The following LCN12 variants were observed in gnomAD, a reference collection of about 807,000 sequenced individuals.
The protein encoded by LCN12 is epididymal-specific lipocalin-12.
Under a neutral mutation model 23.7 loss-of-function variants are expected in LCN12, and 15 were observed. The observed-to-expected ratio is 0.63, with a 90% CI of 0.42 to 0.97. The LOEUF (loss-of-function observed/expected upper bound fraction) is 0.97. LCN12 is among the 50% of genes least tolerant of loss of function. The pLI is 0.00. For synonymous variants in LCN12, 116 were observed against 111.5 expected (o/e 1.04, Z -0.25); for missense variants, 219 against 249.6 (o/e 0.88, Z 0.83).
At chr9:136,952,251 T>C (rs1031709255), upstream of LCN12, 6 of 1,001,478 alleles carry the variant, frequency 6.0e-6, no homozygotes, top group African/African-American at 9.6e-5. Flanking sequence ...GGTATGTGCA[T>C]GAAGAGGTGG....
At chr9:136,953,242 C>T (rs559961007) in intron 2 of LCN12, among the ~76,000 whole-genome samples, 59 of 151,920 alleles carry the variant, frequency 3.9e-4, no homozygotes, top group African/African-American at 1.2e-3. Flanking sequence ...CTTCGGGGGC[C>T]GGGTGCGCTG....
At chr9:136,954,034 A>G (rs1588475305) in intron 4 of LCN12, 70 bp downstream of exon 4, 1 of 1,571,640 alleles carries the variant, frequency 6.4e-7, no homozygotes, top group East Asian at 2.3e-5. Flanking sequence ...TTTGGGTCAG[A>G]CCCTGCCTCC....
At chr9:136,954,816 G>A in intron 5 of LCN12, 1 of 1,283,888 alleles carries the variant, frequency 7.8e-7, no homozygotes, top group Non-Finnish European at 1.0e-6. Context: ...CTCTTCTTGT[G>A]GGAGGGCGAG....
At chr9:136,949,998 G>A (rs532405826), upstream of LCN12, among the ~76,000 whole-genome samples, 1 of 151,964 alleles carries the variant, frequency 6.6e-6, no homozygotes, top group East Asian at 1.9e-4. Context: ...CACCCCAGGC[G>A]GTATGGAAGG....
chr9:136,953,083 C>G, intron 2 of LCN12, 55 bp downstream of exon 2: 1 of 1,602,996 alleles, frequency 6.2e-7, no homozygotes. Flanking sequence ...GGGCCTGGGT[C>G]CCAGCCGCCA....
In LCN12 at chr9:136,953,369, GCC is replaced by G; in HGVS notation, c.252-330_252-329del. 2.1e-5 allele frequency: 2 copies of G among 93,966 alleles called. 1 individual carries two copies. The highest frequency in any genetic ancestry group is 3.9e-5 in the Non-Finnish European group (2 of 51,106). 5.8% of individuals were successfully genotyped at this position (93,966 alleles called of 1,614,324 possible). A position where few individuals can be genotyped will look rare whatever the true frequency, so the allele number is the denominator to read the frequency against. On this transcript the variant is annotated intron_variant, in intron 2 of 5. Coordinates refer to ENST00000371633, the MANE Select transcript of LCN12 (RefSeq NM_178536.4). ...CACCTGTAATCCTAGCACTTTGGGG[GCC>G]GGGCGCGGTCGCGCACACCTGTAAT...
At chr9:136,951,882 C>T (rs1851160256), upstream of LCN12, among the ~76,000 whole-genome samples, 2 of 152,226 alleles carry the variant, frequency 1.3e-5, no homozygotes, top group Admixed American at 6.5e-5. Flanking sequence ...GGGGAATGCC[C>T]GGGTTTGGCC....
chr9:136,952,828 G>GC (rs1851193077), intron 1 of LCN12, 64 bp from the exon 2 acceptor site: 51 of 1,570,128 alleles, frequency 3.2e-5, no homozygotes, highest in Non-Finnish European at 4.3e-5. Flanking sequence ...GCGGGAGGGG[G>GC]CTCCTGACCC....
At chr9:136,953,349 G>A in intron 2 of LCN12, 1 of 97,934 alleles carries the variant, frequency 1.0e-5, no homozygotes, top group South Asian at 1.2e-4. Flanking sequence ...GCTCACACCT[G>A]TAATCCTAGC....
Position 136,953,915 on chromosome 9 carries a change from G to C in LCN12, c.399G>C (p.Leu133=). The C allele has an allele frequency of 6.2e-7, 1 of 1,611,786 alleles. No homozygotes were observed. The highest frequency in any genetic ancestry group is 8.5e-7 in the Non-Finnish European group (1 of 1,179,746). Residue 133 remains leucine, a synonymous_variant, in exon 4 of 6, where the codon CTG becomes CTC. Coordinates refer to ENST00000371633, the MANE Select transcript of LCN12 (RefSeq NM_178536.4). ...ACTACACCCAGTTCGCCCTGATGCT[G>C]TCCCGCAGACACACGAGCAGGCTGG... is the stretch of plus-strand genomic sequence containing the variant. The part of the protein sequence containing the change: ...DSDYTQFALM[L]SRRHTSRLAV...
upstream of LCN12, among the ~76,000 whole-genome samples, chr9:136,950,887 ACCCAGGGCAGGCTGCCG>A (rs920454252): frequency 1.1e-4 from 16 of 150,836 alleles, no homozygotes; most frequent in African/African-American, 3.6e-4. Flanking sequence ...TGGGGCTGCC[ACCCAGGGCAGGCTGCCG>A]AGGCCCAGGG....
At chr9:136,956,101 G>A (rs994280568), downstream of LCN12, among the ~76,000 whole-genome samples, 2 of 152,076 alleles carry the variant, frequency 1.3e-5, no homozygotes, top group Non-Finnish European at 2.9e-5. Context: ...CAAGATGTCT[G>A]TATTCGGACG....
intron 1 of LCN12, 46 bp from the exon 2 acceptor site, chr9:136,952,846 T>C (rs372152739): frequency 3.5e-5 from 55 of 1,589,232 alleles, no homozygotes; most frequent in South Asian, 1.0e-4. Flanking sequence ...CCCTGCCCAC[T>C]GCCACCCCTG....
At chr9:136,955,055 CCTG>C (rs1272620666) in intron 5 of LCN12, 1 of 1,397,314 alleles carries the variant, frequency 7.2e-7, no homozygotes, top group African/African-American at 1.5e-5. Flanking sequence ...TCTGCACACA[CCTG>C]CACACACCTG....
At chr9:136,952,241 G>T (rs1399895347), upstream of LCN12, 4 of 908,710 alleles carry the variant, frequency 4.4e-6, no homozygotes, top group East Asian at 7.9e-5. Context: ...GCACCTGCTG[G>T]GTATGTGCAT....
upstream of LCN12, among the ~76,000 whole-genome samples, chr9:136,950,841 G>T (rs1221803561): frequency 6.6e-6 from 1 of 152,160 alleles, no homozygotes; most frequent in Non-Finnish European, 1.5e-5. Context: ...CTGGAGCCCT[G>T]AAGTCCTGGG....
At chr9:136,949,960 T>A (rs1851108735), upstream of LCN12, among the ~76,000 whole-genome samples, 1 of 152,130 alleles carries the variant, frequency 6.6e-6, no homozygotes, top group Admixed American at 6.5e-5. Context: ...CTGGGCTCAC[T>A]GGCGTGTGCT....
Position 136,953,754 on chromosome 9 carries a change from G to A in LCN12, c.306G>A (p.Gly102=), listed in dbSNP as rs748256322. The change falls in exon 3 of 6, where the codon GGG becomes GGA. Residue 102 remains glycine, a synonymous_variant. Coordinates refer to ENST00000371633, the MANE Select transcript of LCN12 (RefSeq NM_178536.4). ...TGCTGATACCGGCAGCCCAGCCTGG[G>A]CAGTTCACTGTGGACCACGGTGTGG... The part of the protein sequence containing the change: ...SYVLIPAAQP[G]QFTVDHGVEP... The A allele has an allele frequency of 3.7e-6, 6 of 1,606,284 alleles. No individual in the cohort carries two copies. The highest frequency in any genetic ancestry group is 2.7e-5 in the African/African-American group (2 of 74,898).
chr9:136,952,562 C>T lies in LCN12; in HGVS notation c.114+121C>T, dbSNP rs923232121. The T allele has an allele frequency of 5.4e-6, 4 of 746,678 alleles. No homozygotes were observed. In the African/African-American group the frequency reaches 7.1e-5, roughly 13 times the overall value. 46.3% of individuals were successfully genotyped at this position (746,678 alleles called of 1,614,324 possible). A position where few individuals can be genotyped will look rare whatever the true frequency, so the allele number is the denominator to read the frequency against. ...CCAGGACCAGCCGTGCTTCCAGGAG[C>T]CCCCAGGCGGGCCCCTGACCTCCAG... On this transcript the variant is annotated intron_variant, in intron 1 of 5. Transcript: ENST00000371633.
Sources: allele counts gnomAD v4.1 joint callset (sites outside exome capture counted in the v4.1 genomes callset), GRCh38; gene constraint gnomAD v4.1.1; transcripts MANE v1.5; gene names NCBI Gene and HGNC (gene_info 2026-07-23, HGNC 2026-07-21).